Variants in GFRAL observed in about 807,000 individuals in gnomAD.
GFRAL encodes GDNF family receptor alpha-like.
A neutral mutation model predicts 45.4 loss-of-function variants in GFRAL; 36 were observed. The observed-to-expected ratio is 0.79, with a 90% CI of 0.61 to 1.05. GFRAL has a LOEUF of 1.05. Among genes scored for constraint, GFRAL ranks in the 50% least tolerant of loss-of-function variants. GFRAL has a pLI of 0.00. For synonymous variants in GFRAL, 166 were observed against 154.1 expected (o/e 1.08, Z -0.57); for missense variants, 507 against 467.5 (o/e 1.08, Z -0.78).
intron 6 of GFRAL, among the ~76,000 whole-genome samples, chr6:55,376,944 G>A (rs561841896): frequency 5.3e-5 from 8 of 151,758 alleles, no homozygotes; most frequent in Non-Finnish European, 7.4e-5. Flanking sequence ...ACAAGTAGTC[G>A]GCTTTTTCAA....
chr6:55,368,981 T>A (rs1768408502), intron 6 of GFRAL, among the ~76,000 whole-genome samples: 1 of 152,058 alleles, frequency 6.6e-6, no homozygotes, highest in Non-Finnish European at 1.5e-5. Flanking sequence ...CAGTTGGAGC[T>A]TCCCGGCTGC....
At chr6:55,390,933 C>CAA (rs1271329297) in intron 6 of GFRAL, among the ~76,000 whole-genome samples, 1 of 123,674 alleles carries the variant, frequency 8.1e-6, no homozygotes, top group Non-Finnish European at 1.6e-5. Flanking sequence ...CACACACACA[C>CAA]AAGTAGTGGT....
At chr6:55,360,016 T>A (rs182315346) in intron 6 of GFRAL, among the ~76,000 whole-genome samples, 1 of 151,974 alleles carries the variant, frequency 6.6e-6, no homozygotes, top group Non-Finnish European at 1.5e-5. Flanking sequence ...CAACCTATAA[T>A]GATGAAATGG....
chr6:55,366,808 G>C (rs1249517839), intron 6 of GFRAL, among the ~76,000 whole-genome samples: 106 of 113,764 alleles, frequency 9.3e-4, no homozygotes, highest in African/African-American at 4.4e-3. Context: ...CTGAGAGATA[G>C]TTTGTTATAA....
At chr6:55,376,655 ATGTT>A (rs1315246033) in intron 6 of GFRAL, among the ~76,000 whole-genome samples, 1 of 151,604 alleles carries the variant, frequency 6.6e-6, no homozygotes, top group East Asian at 1.9e-4. Flanking sequence ...GTATTCTGTA[ATGTT>A]TGTTTGTATT....
At chr6:55,331,584 T>C in intron 1 of GFRAL, 131 bp from the exon 2 acceptor site, 1 of 682,068 alleles carries the variant, frequency 1.5e-6, no homozygotes, top group South Asian at 2.3e-5. Flanking sequence ...AGGTTAAGGT[T>C]ATTCCCACCA....
intron 6 of GFRAL, among the ~76,000 whole-genome samples, chr6:55,375,336 C>T (rs1768509492): frequency 6.6e-6 from 1 of 152,094 alleles, no homozygotes; most frequent in African/African-American, 2.4e-5. Context: ...TGATGTCTTT[C>T]ACTTCCTTTG....
chr6:55,351,293 A>T lies in GFRAL; in HGVS notation c.411A>T (p.Ala137=), dbSNP rs774753930. The change falls in exon 5 of 9, where the codon GCA becomes GCT. Residue 137 remains alanine, a synonymous_variant. Transcript: ENST00000340465. ...GMWSCLEVAE[A]CVGDVVCNAQ... is the part of the protein sequence containing the mutation. ...GGTCCTGTTTGGAAGTGGCAGAGGCATGTGTAGGGGATGTGGTCTGTAATG... is the reference window on the plus strand; with the variant it reads ...GGTCCTGTTTGGAAGTGGCAGAGGCTTGTGTAGGGGATGTGGTCTGTAATG... 2 of 1,608,488 alleles carry T rather than the reference A, an allele frequency of 1.2e-6. No individual in the cohort carries two copies. Among genetic ancestry groups the T allele is most frequent in the Non-Finnish European group, 1.7e-6 (2 of 1,175,922 alleles).
intron 5 of GFRAL, among the ~76,000 whole-genome samples, chr6:55,357,418 CCTT>C: frequency 6.8e-6 from 1 of 146,386 alleles, no homozygotes; most frequent in Non-Finnish European, 1.5e-5. Context: ...TATATAATCA[CCTT>C]CTTTATCTTT....
At chr6:55,375,123 A>G (rs987503971) in intron 6 of GFRAL, among the ~76,000 whole-genome samples, 2 of 152,040 alleles carry the variant, frequency 1.3e-5, no homozygotes, top group African/African-American at 4.8e-5. Flanking sequence ...TTTGCTCCAT[A>G]TGAATTTTTA....
At chr6:55,386,705 C>T (rs1768685489) in intron 6 of GFRAL, among the ~76,000 whole-genome samples, 1 of 152,026 alleles carries the variant, frequency 6.6e-6, no homozygotes, top group African/African-American at 2.4e-5. Flanking sequence ...ATTCAAAATT[C>T]CCTCAAGAGA....
chr6:55,366,207 G>A, intron 6 of GFRAL, among the ~76,000 whole-genome samples: 1 of 151,782 alleles, frequency 6.6e-6, no homozygotes, highest in Non-Finnish European at 1.5e-5. Flanking sequence ...ATTTCTTCTA[G>A]ATTTTCTAGT....
At chr6:55,369,198 C>G (rs191700773) in intron 6 of GFRAL, among the ~76,000 whole-genome samples, 4 of 152,184 alleles carry the variant, frequency 2.6e-5, no homozygotes, top group East Asian at 1.9e-4. Flanking sequence ...GGGAGTGACC[C>G]GATTTTCCAG....
chr6:55,369,354 G>T (rs12111144), intron 6 of GFRAL, among the ~76,000 whole-genome samples: 9,543 of 152,228 alleles, frequency 0.063, 375 homozygotes, highest in African/African-American at 0.1. Flanking sequence ...GCACTCCCTA[G>T]TGAGATGAAC....
rs926670303 is a variant in GFRAL, at chr6:55,397,461, T to TG, written c.953-1718dup. 2.5e-5 allele frequency among the ~76,000 whole-genome samples: 3 copies of TG among 119,792 alleles called. 1 individual carries two copies. The highest frequency in any genetic ancestry group is 1.0e-4 in the African/African-American group (3 of 29,526). 78.6% of individuals were successfully genotyped at this position (119,792 alleles called of 152,430 possible). On this transcript the variant is annotated intron_variant, in intron 6 of 8. Coordinates refer to ENST00000340465, the MANE Select transcript of GFRAL (RefSeq NM_207410.2). Reference sequence around the variant, plus strand: ...TGAACCCGGGAAGCGGAGCTTGCAGTGAGCCGAGATTGCGCCACTGCAGTC... The same window carrying TG: ...TGAACCCGGGAAGCGGAGCTTGCAGTGGAGCCGAGATTGCGCCACTGCAGTC...
chr6:55,365,282 T>C lies in GFRAL; in HGVS notation c.952+6144T>C, dbSNP rs532737548. Among the ~76,000 whole-genome samples the C allele has an allele frequency of 3.5e-5, 5 of 142,256 alleles. No homozygotes were observed. In the South Asian group the frequency reaches 1.1e-3, roughly 32 times the overall value. 93.3% of individuals were successfully genotyped at this position (142,256 alleles called of 152,430 possible). The stretch of plus-strand genomic sequence containing the variant: ...TAAGAATGCTTGTGATTTTTGTACA[T>C]TGATTTTGTATCCTGAGACTTTGCT... On this transcript the variant is annotated intron_variant, in intron 6 of 8. Coordinates refer to ENST00000340465, the MANE Select transcript of GFRAL (RefSeq NM_207410.2).
At chr6:55,358,429 A>G (rs1223888100) in intron 5 of GFRAL, among the ~76,000 whole-genome samples, 1 of 151,958 alleles carries the variant, frequency 6.6e-6, no homozygotes, top group Non-Finnish European at 1.5e-5. Flanking sequence ...TAGTCTGTTT[A>G]GTCTCTTGAG....
At chr6:55,334,161 C>G (rs183167406) in intron 3 of GFRAL, among the ~76,000 whole-genome samples, 19 of 152,114 alleles carry the variant, frequency 1.2e-4, no homozygotes, top group Admixed American at 9.8e-4. Flanking sequence ...CCTTGGGGTT[C>G]TGTGAGCCAT....
intron 6 of GFRAL, among the ~76,000 whole-genome samples, chr6:55,363,297 T>G (rs1426314754): frequency 6.6e-6 from 1 of 152,054 alleles, no homozygotes; most frequent in East Asian, 1.9e-4. Flanking sequence ...TACCCAAACA[T>G]GTCTCCTTTA....
Sources: gnomAD v4.1 joint callset for allele counts (sites outside exome capture counted in the v4.1 genomes callset) on GRCh38, gnomAD v4.1.1 for gene constraint, MANE v1.5 for transcripts, NCBI Gene and HGNC (gene_info 2026-07-23, HGNC 2026-07-21) for gene names.